Variants in SPIDR observed in about 807,000 individuals in gnomAD.
SPIDR encodes scaffold protein involved in DNA repair, also known as DNA repair-scaffolding protein.
In SPIDR, 93 loss-of-function variants were observed where a neutral mutation model predicts 104.6. That is an observed-to-expected ratio of 0.89 (90% CI 0.75 to 1.06). The LOEUF is 1.06. Ranked by LOEUF, SPIDR falls within the 50% of genes least tolerant of loss-of-function variation. SPIDR has a pLI of 0.00. For missense variants in SPIDR, 1,154 were observed against 1,111.2 expected (o/e 1.04, Z -0.55); for synonymous variants, 431 against 416.9 (o/e 1.03, Z -0.41).
Position 47,529,150 on chromosome 8 carries a change from G to A in SPIDR, c.1098-66661G>A, listed in dbSNP as rs114132583. Among the ~76,000 whole-genome samples, 586 of 152,280 alleles carry A rather than the reference G, an allele frequency of 3.8e-3. 8 individuals carry two copies. Among genetic ancestry groups the A allele is most frequent in the African/African-American group, 0.013 (548 of 41,556 alleles). ...TAAAGTATTAAAGGAGGCCGGGCCC[G>A]GTGGCTCGGGCCTGTAATCCTAACA... On this transcript the variant is annotated intron_variant, in intron 8 of 19. Transcript: ENST00000297423.
chr8:47,645,897 G>T (rs765747476), intron 10 of SPIDR, among the ~76,000 whole-genome samples: 22 of 152,146 alleles, frequency 1.4e-4, no homozygotes, highest in Non-Finnish European at 3.1e-4. Context: ...AGTTCTAGAA[G>T]AAATAGTGGG....
chr8:47,629,261 CA>C, intron 10 of SPIDR, among the ~76,000 whole-genome samples: 1 of 152,276 alleles, frequency 6.6e-6, no homozygotes, highest in Non-Finnish European at 1.5e-5. Context: ...AGTGAGATAA[CA>C]AAGATGAGAT....
At chr8:47,351,071 A>C (rs1409936044) in intron 5 of SPIDR, among the ~76,000 whole-genome samples, 1 of 152,200 alleles carries the variant, frequency 6.6e-6, no homozygotes, top group African/African-American at 2.4e-5. Flanking sequence ...ATTGACTATC[A>C]CAACATCTCA....
intron 1 of SPIDR, among the ~76,000 whole-genome samples, chr8:47,264,652 T>TA (rs1437287765): frequency 1.3e-5 from 2 of 151,554 alleles, no homozygotes; most frequent in Non-Finnish European, 2.9e-5. Flanking sequence ...TTTTTTGAGA[T>TA]GGAGTCTTGC....
chr8:47,291,233 G>T, intron 4 of SPIDR, 96 bp downstream of exon 4: 1 of 745,794 alleles, frequency 1.3e-6, no homozygotes, highest in Non-Finnish European at 2.1e-6. Context: ...AATTTTGTTA[G>T]GAATCCAGTT....
At chr8:47,628,807 A>T (rs1157379565) in intron 10 of SPIDR, among the ~76,000 whole-genome samples, 1 of 152,216 alleles carries the variant, frequency 6.6e-6, no homozygotes, top group Non-Finnish European at 1.5e-5. Flanking sequence ...AAAACATCGA[A>T]TGGAGAATGT....
At chr8:47,535,354 C>T (rs1031366925) in intron 8 of SPIDR, among the ~76,000 whole-genome samples, 8 of 152,072 alleles carry the variant, frequency 5.3e-5, no homozygotes, top group African/African-American at 1.9e-4. Context: ...TTTCACCACT[C>T]ACAGATTGTG....
At chr8:47,599,268 C>A in intron 10 of SPIDR, 72 bp downstream of exon 10, 1 of 1,567,076 alleles carries the variant, frequency 6.4e-7, no homozygotes, top group Non-Finnish European at 8.7e-7. Flanking sequence ...AAAGTGGAGC[C>A]TCTTCTCAGA....
At chr8:47,569,342 T>C (rs1022250799) in intron 8 of SPIDR, among the ~76,000 whole-genome samples, 7 of 152,168 alleles carry the variant, frequency 4.6e-5, no homozygotes, top group African/African-American at 1.7e-4. Flanking sequence ...ACTCCCACTT[T>C]CAATAGGGAT....
chr8:47,391,353 C>CA (rs1330744632), intron 5 of SPIDR, among the ~76,000 whole-genome samples: 1 of 151,388 alleles, frequency 6.6e-6, no homozygotes, highest in Admixed American at 6.6e-5. Context: ...TCCTGGGCAA[C>CA]AAAGTGAGAC....
chr8:47,652,129 A>G (rs2071762357), intron 10 of SPIDR, among the ~76,000 whole-genome samples: 1 of 152,240 alleles, frequency 6.6e-6, no homozygotes, highest in Non-Finnish European at 1.5e-5. Flanking sequence ...TAAAAAATAA[A>G]TAAGGGTCAG....
At chr8:47,295,534 A>G (rs2040684475) in intron 5 of SPIDR, among the ~76,000 whole-genome samples, 3 of 151,746 alleles carry the variant, frequency 2.0e-5, no homozygotes, top group African/African-American at 7.3e-5. Flanking sequence ...TAGATTCCCC[A>G]TGTAAGTAAG....
At chr8:47,311,011 A>G (rs587718153) in intron 5 of SPIDR, among the ~76,000 whole-genome samples, 2 of 152,322 alleles carry the variant, frequency 1.3e-5, no homozygotes, top group Non-Finnish European at 2.9e-5. Flanking sequence ...ACTGGCCTTG[A>G]TATGACTCCT....
chr8:47,580,754 C>T (rs1315309196), intron 8 of SPIDR, among the ~76,000 whole-genome samples: 1 of 151,984 alleles, frequency 6.6e-6, no homozygotes, highest in East Asian at 1.9e-4. Flanking sequence ...TTCAAATGTA[C>T]TCTCCTGCCT....
At chr8:47,323,283 A>G (rs1408609730) in intron 5 of SPIDR, among the ~76,000 whole-genome samples, 2 of 152,144 alleles carry the variant, frequency 1.3e-5, no homozygotes, top group Admixed American at 1.3e-4. Context: ...TTCTCAGGGA[A>G]CATAGACCTG....
intron 8 of SPIDR, among the ~76,000 whole-genome samples, chr8:47,476,310 G>A (rs534578559): frequency 1.4e-4 from 22 of 152,116 alleles, no homozygotes; most frequent in Non-Finnish European, 2.9e-4. Flanking sequence ...GTTTGTGATC[G>A]AGATTGGACA....
chr8:47,563,270 A>AGCGATCCTCCTGCCTCGGCTCAC (rs2057318333), intron 8 of SPIDR, among the ~76,000 whole-genome samples: 1 of 152,034 alleles, frequency 6.6e-6, no homozygotes, highest in Non-Finnish European at 1.5e-5. Context: ...CCTAGGCTCA[A>AGCGATCCTCCTGCCTCGGCTCAC]GCGATCCTCC....
intron 8 of SPIDR, among the ~76,000 whole-genome samples, chr8:47,455,859 G>A (rs1348209450): frequency 6.6e-6 from 1 of 151,914 alleles, no homozygotes; most frequent in African/African-American, 2.4e-5. Context: ...AATATATGAA[G>A]TAAAAATGGA....
intron 5 of SPIDR, among the ~76,000 whole-genome samples, chr8:47,327,306 A>T (rs556970656): frequency 1.6e-4 from 24 of 151,780 alleles, no homozygotes; most frequent in Non-Finnish European, 2.5e-4. Flanking sequence ...GTTATAAGAG[A>T]ATGATCTATA....
Sources: gnomAD v4.1 joint callset for allele counts (sites outside exome capture counted in the v4.1 genomes callset) on GRCh38, gnomAD v4.1.1 for gene constraint, MANE v1.5 for transcripts, NCBI Gene and HGNC (gene_info 2026-07-23, HGNC 2026-07-21) for gene names.